Variants in FAM170A observed in about 807,000 individuals in gnomAD.
FAM170A encodes the protein family with sequence similarity 170 member A.
Under a neutral mutation model 36.6 loss-of-function variants are expected in FAM170A, and 28 were observed. That is an observed-to-expected ratio of 0.76 (90% CI 0.57 to 1.05). The LOEUF (loss-of-function observed/expected upper bound fraction) is 1.05. Ranked by LOEUF, FAM170A falls within the 50% of genes least tolerant of loss-of-function variation. The pLI, the probability that FAM170A is intolerant of heterozygous loss-of-function variation, is 0.00. For synonymous variants in FAM170A, 156 were observed against 143.9 expected (o/e 1.08, Z -0.60); for missense variants, 434 against 396.5 (o/e 1.09, Z -0.80).
chr5:119,633,884 C>T (rs1756311385), intron 2 of FAM170A, 76 bp from the exon 3 acceptor site: 1 of 1,535,834 alleles, frequency 6.5e-7, no homozygotes, highest in Non-Finnish European at 8.8e-7. Flanking sequence ...TCCTGCACCA[C>T]ACATATTTAA....
At chr5:119,633,727 G>C (rs1313348337) in intron 2 of FAM170A, among the ~76,000 whole-genome samples, 1 of 151,978 alleles carries the variant, frequency 6.6e-6, no homozygotes, top group Non-Finnish European at 1.5e-5. Context: ...CACATATGCT[G>C]CAGTCCTCAC....
chr5:119,631,325 G>A (rs1369319489), intron 1 of FAM170A, among the ~76,000 whole-genome samples: 6 of 152,180 alleles, frequency 3.9e-5, no homozygotes, highest in Non-Finnish European at 8.8e-5. Context: ...GCTGGGACAG[G>A]AAGGGGAAGG....
chr5:119,632,679 G>A, intron 1 of FAM170A, 69 bp from the exon 2 acceptor site: 1 of 1,418,216 alleles, frequency 7.1e-7, no homozygotes, highest in South Asian at 1.5e-5. Context: ...GTAAATATTT[G>A]TTGGATGGTA....
chr5:119,634,120 G>A, exon 3 of FAM170A: 1 of 1,613,952 alleles, frequency 6.2e-7, no homozygotes, highest in Non-Finnish European at 8.5e-7. Context: ...AAGAGGAAAG[G>A]GGCATGAAAA....
chr5:119,634,049 C>T, exon 3 of FAM170A: 1 of 1,614,220 alleles, frequency 6.2e-7, no homozygotes, highest in Non-Finnish European at 8.5e-7. Flanking sequence ...CCGCTCACAA[C>T]ATGTCTCCTT....
chr5:119,634,122 G>A (rs750816456), exon 3 of FAM170A: 2 of 1,614,148 alleles, frequency 1.2e-6, no homozygotes, highest in South Asian at 1.1e-5. Flanking sequence ...GAGGAAAGGG[G>A]CATGAAAATA....
At chr5:119,633,218 A>G (rs1271137139) in intron 2 of FAM170A, among the ~76,000 whole-genome samples, 2 of 152,140 alleles carry the variant, frequency 1.3e-5, no homozygotes, top group Non-Finnish European at 2.9e-5. Context: ...GGTAGGGGGC[A>G]GGAGGCCCAT....
rs751977810 is a variant in FAM170A, at chr5:119,633,969, G to A, written c.221G>A (p.Arg74Lys). ...TAATTTCCTTTCCCAGGAATCCAGA[G>A]AATACATCGAGACAGCCCCCAGCCT... The change falls in exon 3 of 5, where the codon AGA becomes AAA. Residue 74 changes from arginine (R) to lysine (K), a missense_variant. Physicochemically the swap from Arg to Lys is conservative, Grantham distance 26. Coordinates refer to ENST00000613773, the Ensembl canonical transcript of FAM170A. The A allele has an allele frequency of 2.5e-6, 4 of 1,609,424 alleles. No homozygotes were observed. In the Admixed American group the frequency reaches 6.7e-5, roughly 27 times the overall value.
chr5:119,629,654 T>G, exon 1 of FAM170A: 1 of 781,614 alleles, frequency 1.3e-6, no homozygotes, highest in Non-Finnish European at 2.1e-6. Context: ...TTCAACTACG[T>G]TTACTCGTAC....
chr5:119,634,329 A>C (rs563329024), exon 3 of FAM170A: 1 of 1,614,182 alleles, frequency 6.2e-7, no homozygotes, highest in East Asian at 2.2e-5. Flanking sequence ...GAGAAAGAGC[A>C]TGAGGAAAGG....
rs1415462869 is a variant in FAM170A, at chr5:119,634,245, T to C, written c.497T>C (p.Val166Ala). 3.1e-6 allele frequency: 5 copies of C among 1,614,012 alleles called. No individual in the cohort carries two copies. In the African/African-American group the frequency reaches 4.0e-5, roughly 13 times the overall value. Residue 166 changes from valine (V) to alanine (A), a missense_variant, in exon 3 of 5, where the codon GTT (valine) becomes GCT (alanine). Coordinates refer to ENST00000613773, the Ensembl canonical transcript of FAM170A. The stretch of plus-strand genomic sequence containing the variant: ...ATGGAAGAAGTGACCCTTTCTGAGG[T>C]TGTGAGGGTAGGTACTCCCCCCTCT...
chr5:119,631,595 T>G (rs1756253367), intron 1 of FAM170A, among the ~76,000 whole-genome samples: 1 of 152,144 alleles, frequency 6.6e-6, no homozygotes, highest in South Asian at 2.1e-4. Context: ...ATATATACTC[T>G]GATACAGAGA....
exon 3 of FAM170A, chr5:119,634,031 A>C: frequency 1.2e-6 from 2 of 1,612,390 alleles, no homozygotes; most frequent in African/African-American, 2.7e-5. Flanking sequence ...ACGAGGAGAG[A>C]CTCCTCCCCG....
exon 3 of FAM170A, chr5:119,634,449 G>C (rs1461759208): frequency 6.2e-7 from 1 of 1,614,250 alleles, no homozygotes; most frequent in Non-Finnish European, 8.5e-7. Flanking sequence ...ATGGCCTGCT[G>C]CCGGGTGTTC....
chr5:119,632,632 T>C (rs571172938), intron 1 of FAM170A, 116 bp from the exon 2 acceptor site: 19 of 933,254 alleles, frequency 2.0e-5, no homozygotes, highest in East Asian at 7.9e-5. Flanking sequence ...TCACAAACCA[T>C]GTGTGTTCAC....
chr5:119,630,083 G>A (rs192345127), intron 1 of FAM170A, among the ~76,000 whole-genome samples: 2 of 147,034 alleles, frequency 1.4e-5, no homozygotes, highest in African/African-American at 5.0e-5. Context: ...AGTAGAGACG[G>A]GGTTTCACCG....
chr5:119,633,520 G>A (rs1269166162), intron 2 of FAM170A, among the ~76,000 whole-genome samples: 1 of 151,940 alleles, frequency 6.6e-6, no homozygotes, highest in African/African-American at 2.4e-5. Context: ...CTCCAGCACT[G>A]CAGCGGGACT....
At chr5:119,630,778 C>G (rs6892386) in intron 1 of FAM170A, among the ~76,000 whole-genome samples, 35,975 of 152,154 alleles carry the variant, frequency 0.24, 4,674 homozygotes, top group Non-Finnish European at 0.3. Flanking sequence ...TTTGCTCTTT[C>G]TCTGGGGTGA....
chr5:119,632,697 C>T (rs1191513775), intron 1 of FAM170A, 51 bp from the exon 2 acceptor site: 4 of 1,455,846 alleles, frequency 2.7e-6, no homozygotes, highest in Non-Finnish European at 3.7e-6. Flanking sequence ...GTAAATGATG[C>T]ACAAACATTA....
Sources: gnomAD v4.1 joint callset for allele counts (sites outside exome capture counted in the v4.1 genomes callset) on GRCh38, gnomAD v4.1.1 for gene constraint, MANE v1.5 for transcripts, NCBI Gene and HGNC (gene_info 2026-07-23, HGNC 2026-07-21) for gene names.